The following INSC variants were observed in gnomAD, a reference collection of about 807,000 sequenced individuals.
INSC encodes INSC spindle orientation adaptor protein.
INSC carries 67 observed loss-of-function variants against 58.6 expected under a neutral mutation model. That is an observed-to-expected ratio of 1.14 (90% confidence interval 0.94 to 1.40). The LOEUF (loss-of-function observed/expected upper bound fraction) is 1.40. Among genes scored for constraint, INSC ranks in the 40% most tolerant of loss-of-function variants. INSC has a pLI of 0.00. For missense variants in INSC, 714 were observed against 692.0 expected (o/e 1.03, Z -0.36); for synonymous variants, 262 against 276.1 (o/e 0.95, Z 0.51).
At chr11:15,226,926 C>T (rs1266521963) in intron 9 of INSC, among the ~76,000 whole-genome samples, 1 of 152,182 alleles carries the variant, frequency 6.6e-6, no homozygotes, top group Non-Finnish European at 1.5e-5. Flanking sequence ...TGGTGAAGTT[C>T]CCCAAACTTT....
the INSC span, among the ~76,000 whole-genome samples, chr11:15,259,155 G>C: frequency 7.2e-5 from 11 of 152,270 alleles, no homozygotes; most frequent in African/African-American, 2.4e-4. Context: ...GATGTAAATT[G>C]AGATCCAGGA....
At chr11:15,190,618 A>C in intron 5 of INSC, 83 bp from the exon 6 acceptor site, 1 of 907,944 alleles carries the variant, frequency 1.1e-6, no homozygotes, top group Non-Finnish European at 1.9e-6. Context: ...TGTTAGGAGC[A>C]TGGGCCCACT....
chr11:15,241,559 T>C (rs1392308378), intron 12 of INSC: 2 of 702,444 alleles, frequency 2.8e-6, no homozygotes, highest in Non-Finnish European at 5.2e-6. Flanking sequence ...TTCCATTCAC[T>C]GTTCTAGGCT....
rs1277590043 is a variant in INSC, at chr11:15,238,943, T to C, written c.1262T>C (p.Leu421Pro). Residue 421 changes from leucine (L) to proline (P), a missense_variant, in exon 11 of 13, where the codon CTG becomes CCG. Physicochemically the swap from Leu to Pro is moderately conservative, Grantham distance 98. Transcript: ENST00000379556. The stretch of plus-strand genomic sequence containing the variant: ...GGGGTCCAGCTTATCATGGGCATGC[T>C]GTCTGAAAAACCAAGGTCTGGGACT... ...ENGVQLIMGM[L>P]SEKPRSGTPA... 1 of 1,614,166 alleles carries C rather than the reference T, an allele frequency of 6.2e-7. No homozygotes were observed. Among genetic ancestry groups the C allele is most frequent in the African/African-American group, 1.3e-5 (1 of 75,060 alleles).
chr11:15,200,859 GC>G lies in INSC; in HGVS notation c.730del (p.Gln244ArgfsTer41), dbSNP rs750360760. ...TCGTAGCACTCTTCAAGGTTTGCCG[GC>G]AGGACAGTTTCCGGTGCTTGTACCC... ...GVVALFKVCR[Q>X]DSFRCLYPQA... On this transcript the variant is annotated frameshift_variant, in exon 7 of 13. Transcript: ENST00000379556. LOFTEE classifies it high-confidence loss of function. 3.7e-6 allele frequency: 6 copies of G among 1,613,900 alleles called. No homozygotes were observed. In the Admixed American group the frequency reaches 1.0e-4, roughly 27 times the overall value.
intron 5 of INSC, among the ~76,000 whole-genome samples, chr11:15,186,082 T>G (rs981449395): frequency 6.6e-6 from 1 of 152,224 alleles, no homozygotes; most frequent in Non-Finnish European, 1.5e-5. Context: ...TTTCCACACT[T>G]GCTGCATTTG....
chr11:15,187,553 C>G (rs966479862), intron 5 of INSC, among the ~76,000 whole-genome samples: 1 of 152,174 alleles, frequency 6.6e-6, no homozygotes, highest in Admixed American at 6.5e-5. Context: ...GTTTACCTCC[C>G]TTCTGATAGA....
the INSC span, among the ~76,000 whole-genome samples, chr11:15,257,829 C>A: frequency 4.6e-5 from 7 of 152,216 alleles, no homozygotes; most frequent in South Asian, 1.5e-3. Context: ...GGAGCACAGC[C>A]CTGCCCACCC....
intron 2 of INSC, among the ~76,000 whole-genome samples, chr11:15,160,390 AG>A (rs960455109): frequency 6.6e-6 from 1 of 152,144 alleles, no homozygotes; most frequent in African/African-American, 2.4e-5. Flanking sequence ...GTTGGAAATA[AG>A]GGGGCAATGA....
intron 1 of INSC, among the ~76,000 whole-genome samples, chr11:15,127,859 G>C (rs1848034190): frequency 6.6e-6 from 1 of 152,136 alleles, no homozygotes; most frequent in South Asian, 2.1e-4. Flanking sequence ...ACTGGGCGTG[G>C]AGGTGTGCGC....
At chr11:15,239,855 C>T (rs992567704) in intron 11 of INSC, among the ~76,000 whole-genome samples, 5 of 152,054 alleles carry the variant, frequency 3.3e-5, no homozygotes, top group East Asian at 1.9e-4. Context: ...AAGGGCTCTT[C>T]GGGAAGAAGC....
chr11:15,247,733 G>GTATATATACATATATA (rs1554931673), downstream of INSC, among the ~76,000 whole-genome samples: 2 of 127,458 alleles, frequency 1.6e-5, no homozygotes, highest in Non-Finnish European at 3.4e-5. Flanking sequence ...TAGAAATAAG[G>GTATATATACATATATA]TATATATATA....
Position 15,175,949 on chromosome 11 carries a change from C to T in INSC, c.265C>T (p.Arg89Cys), listed in dbSNP as rs768595761. 5 of 1,614,070 alleles carry T rather than the reference C, an allele frequency of 3.1e-6. No homozygotes were observed. Among genetic ancestry groups the T allele is most frequent in the South Asian group, 1.1e-5 (1 of 91,058 alleles). ...KRGWVISTEL[R>C]RIGQKLAQDR... ...GGGTTGGGTCATTAGCACAGAGCTGCGCAGGATCGGGCAGAAGCTGGCCCA... is the reference window on the plus strand; with the variant it reads ...GGGTTGGGTCATTAGCACAGAGCTGTGCAGGATCGGGCAGAAGCTGGCCCA... Residue 89 changes from arginine (R) to cysteine (C), a missense_variant, in exon 3 of 13, where the codon CGC becomes TGC. Physicochemically the swap from Arg to Cys is radical, Grantham distance 180. Coordinates refer to ENST00000379556, the MANE Select transcript of INSC (RefSeq NM_001042536.3).
chr11:15,113,115 C>CTT (rs1051507131), upstream of INSC, among the ~76,000 whole-genome samples: 29 of 49,692 alleles, frequency 5.8e-4, no homozygotes, highest in Middle Eastern at 0.011. Context: ...TCTTTTCTCT[C>CTT]TCTCTCTTTC....
chr11:15,223,961 G>A (rs1851539059), intron 8 of INSC, among the ~76,000 whole-genome samples: 1 of 152,214 alleles, frequency 6.6e-6, no homozygotes, highest in Non-Finnish European at 1.5e-5. Context: ...GCATTGCTGG[G>A]AATAAGTCAG....
At chr11:15,135,106 TAGAAA>T (rs1848212518) in intron 1 of INSC, among the ~76,000 whole-genome samples, 1 of 152,022 alleles carries the variant, frequency 6.6e-6, no homozygotes. Context: ...TACTTGGAGA[TAGAAA>T]AGAGAATTGA....
Position 15,147,881 on chromosome 11 carries a change from T to C in INSC, c.-45-1249T>C, listed in dbSNP as rs574816656. On this transcript the variant is annotated intron_variant, in intron 1 of 12. Transcript: ENST00000379556. ...CACTATTAAAGTGCTCCTCCTCCAT[T>C]CTTTTCTATAGGGCTCCCGTGTAAT... is the stretch of plus-strand genomic sequence containing the variant. 1.9e-4 allele frequency among the ~76,000 whole-genome samples: 29 copies of C among 152,372 alleles called. No homozygotes were observed. The South Asian group carries it at 6.0e-3, about 32-fold the overall frequency.
At chr11:15,240,598 T>A in intron 12 of INSC, 75 bp downstream of exon 12, 1 of 1,256,816 alleles carries the variant, frequency 8.0e-7, no homozygotes, top group Non-Finnish European at 1.1e-6. Context: ...GAACCGGCTG[T>A]GCTGTGGCTG....
chr11:15,116,805 T>TTTTCTTTC (rs1283336885), intron 1 of INSC, among the ~76,000 whole-genome samples: 202 of 19,970 alleles, frequency 0.01, 23 homozygotes, highest in African/African-American at 0.017. Context: ...CTTTTCTTTC[T>TTTTCTTTC]TTTCTTTCTT....
Sources: gnomAD v4.1 joint callset for allele counts (sites outside exome capture counted in the v4.1 genomes callset) on GRCh38, gnomAD v4.1.1 for gene constraint, MANE v1.5 for transcripts, NCBI Gene and HGNC (gene_info 2026-07-23, HGNC 2026-07-21) for gene names.